The following SLC24A2 variants were observed in gnomAD, a reference collection of about 807,000 sequenced individuals.
The protein encoded by SLC24A2 is sodium/potassium/calcium exchanger 2.
A neutral mutation model predicts 62.0 loss-of-function variants in SLC24A2; 36 were observed. The observed-to-expected ratio is 0.58, with a 90% CI of 0.44 to 0.77. The LOEUF is 0.77. SLC24A2 is among the 30% of genes least tolerant of loss of function. The pLI, the probability that SLC24A2 is intolerant of heterozygous loss-of-function variation, is 0.00. For missense variants in SLC24A2, 846 were observed against 817.9 expected, an observed-to-expected ratio of 1.03 and a Z score of -0.42; for synonymous variants, 358 against 294.0, an observed-to-expected ratio of 1.22 and a Z score of -2.23.
At chr9:20,125,874 T>G in the SLC24A2 span, among the ~76,000 whole-genome samples, 1 of 152,292 alleles carries the variant, frequency 6.6e-6, no homozygotes, top group Admixed American at 6.5e-5. Context: ...GTTCAATTAC[T>G]CACAATTGCT....
chr9:20,175,708 ACT>A, the SLC24A2 span, among the ~76,000 whole-genome samples: 7 of 152,068 alleles, frequency 4.6e-5, no homozygotes, highest in South Asian at 8.3e-4. Flanking sequence ...GAGAAAGAAG[ACT>A]CTCAGTTTTG....
chr9:19,531,214 T>C (rs1833693073), intron 8 of SLC24A2, among the ~76,000 whole-genome samples: 1 of 152,220 alleles, frequency 6.6e-6, no homozygotes, highest in African/African-American at 2.4e-5. Context: ...ATTTCCATTT[T>C]CACACCCCAG....
At chr9:20,186,783 GCA>G in the SLC24A2 span, among the ~76,000 whole-genome samples, 1 of 152,076 alleles carries the variant, frequency 6.6e-6, no homozygotes, top group Non-Finnish European at 1.5e-5. Flanking sequence ...ACAAAGCCTG[GCA>G]CAGAGTAAGT....
chr9:19,626,095 G>A (rs542460972), intron 2 of SLC24A2, among the ~76,000 whole-genome samples: 1 of 152,250 alleles, frequency 6.6e-6, no homozygotes, highest in Admixed American at 6.5e-5. Flanking sequence ...CATTTGGATA[G>A]CATTTTGATG....
chr9:19,749,466 G>A (rs1174368548), intron 2 of SLC24A2, among the ~76,000 whole-genome samples: 1 of 152,090 alleles, frequency 6.6e-6, no homozygotes, highest in African/African-American at 2.4e-5. Context: ...GAGAACCAGA[G>A]CTCAGCCACA....
At chr9:20,159,346 T>C in the SLC24A2 span, among the ~76,000 whole-genome samples, 3 of 151,622 alleles carry the variant, frequency 2.0e-5, no homozygotes, top group Non-Finnish European at 1.5e-5. Flanking sequence ...ATATACACTA[T>C]CTCTTTATAT....
At chr9:19,578,218 C>G (rs1309392622) in intron 5 of SLC24A2, among the ~76,000 whole-genome samples, 3 of 151,642 alleles carry the variant, frequency 2.0e-5, no homozygotes, top group Admixed American at 6.6e-5. Flanking sequence ...CCACCTGTAC[C>G]CCAATAACTT....
the SLC24A2 span, among the ~76,000 whole-genome samples, chr9:19,824,008 A>G: frequency 6.6e-6 from 1 of 152,130 alleles, no homozygotes; most frequent in Non-Finnish European, 1.5e-5. Flanking sequence ...TTACACCTTA[A>G]ATAAAAATTA....
chr9:19,913,745 G>A, the SLC24A2 span, among the ~76,000 whole-genome samples: 1 of 152,004 alleles, frequency 6.6e-6, no homozygotes, highest in Non-Finnish European at 1.5e-5. Context: ...GAGAAATTTT[G>A]TTGAATAAGG....
the SLC24A2 span, among the ~76,000 whole-genome samples, chr9:20,260,411 A>G: frequency 6.6e-6 from 1 of 152,172 alleles, no homozygotes; most frequent in South Asian, 2.1e-4. Flanking sequence ...CTACTAATTA[A>G]GAAAGTTAAT....
the SLC24A2 span, among the ~76,000 whole-genome samples, chr9:19,850,983 ATGT>A: frequency 1.3e-4 from 5 of 39,576 alleles, no homozygotes; most frequent in Admixed American, 2.8e-4. Context: ...ATATATATAT[ATGT>A]ATATATATAT....
At chr9:20,263,333 C>T in the SLC24A2 span, among the ~76,000 whole-genome samples, 4 of 152,064 alleles carry the variant, frequency 2.6e-5, no homozygotes, top group Non-Finnish European at 5.9e-5. Context: ...GCTACTGTAG[C>T]CTTCACCTCC....
the SLC24A2 span, among the ~76,000 whole-genome samples, chr9:19,962,038 T>G: frequency 6.6e-6 from 1 of 152,236 alleles, no homozygotes; most frequent in Non-Finnish European, 1.5e-5. Context: ...CAGTAATAGA[T>G]AGCTAATATA....
chr9:19,994,213 G>A, the SLC24A2 span, among the ~76,000 whole-genome samples: 2 of 152,154 alleles, frequency 1.3e-5, no homozygotes, highest in African/African-American at 4.8e-5. Context: ...ACACTGCAAA[G>A]TCTCATTATC....
At chr9:19,799,961 C>G in the SLC24A2 span, among the ~76,000 whole-genome samples, 1 of 152,044 alleles carries the variant, frequency 6.6e-6, no homozygotes, top group Admixed American at 6.6e-5. Context: ...GGGGAGAATC[C>G]TTCATTGTCT....
the SLC24A2 span, among the ~76,000 whole-genome samples, chr9:19,964,432 T>C: frequency 2.6e-5 from 4 of 152,018 alleles, no homozygotes; most frequent in Admixed American, 2.6e-4. Flanking sequence ...GGGCAGACCA[T>C]TACTGTTTAA....
chr9:19,800,163 A>G, the SLC24A2 span, among the ~76,000 whole-genome samples: 988 of 152,218 alleles, frequency 6.5e-3, 12 homozygotes, highest in African/African-American at 0.023. Context: ...TTTGGAGTAG[A>G]TCATGTTCTG....
chr9:19,693,106 A>G (rs1220349154), intron 2 of SLC24A2, among the ~76,000 whole-genome samples: 1 of 151,904 alleles, frequency 6.6e-6, no homozygotes, highest in East Asian at 1.9e-4. Context: ...ATTTATTTTT[A>G]TTATTATTAT....
At chr9:19,592,509 C>G (rs1713729460) in intron 5 of SLC24A2, among the ~76,000 whole-genome samples, 1 of 149,546 alleles carries the variant, frequency 6.7e-6, no homozygotes, top group African/African-American at 2.4e-5. Context: ...TACCTACCTA[C>G]CTACCTACCT....
Sources: allele counts gnomAD v4.1 joint callset (sites outside exome capture counted in the v4.1 genomes callset), GRCh38; gene constraint gnomAD v4.1.1; transcripts MANE v1.5; gene names NCBI Gene and HGNC (gene_info 2026-07-23, HGNC 2026-07-21).